Variants in SRGAP3 observed in about 807,000 individuals in gnomAD.
The protein encoded by SRGAP3 is SLIT-ROBO Rho GTPase-activating protein 3.
Under a neutral mutation model 121.1 loss-of-function variants are expected in SRGAP3, and 39 were observed. The observed-to-expected ratio is 0.32, with a 90% CI of 0.25 to 0.42. SRGAP3 has a LOEUF of 0.42. Ranked by LOEUF, SRGAP3 falls within the 10% of genes least tolerant of loss-of-function variation. The pLI is 1.00. For synonymous variants in SRGAP3, 601 were observed against 570.0 expected (o/e 1.05, Z -0.77); for missense variants, 1,213 against 1,470.6 (o/e 0.82, Z 2.86).
chr3:9,083,000 T>C (rs1218440222), intron 3 of SRGAP3, among the ~76,000 whole-genome samples: 1 of 152,172 alleles, frequency 6.6e-6, no homozygotes, highest in Non-Finnish European at 1.5e-5. Context: ...TGGAGAACCT[T>C]CTGTGCAGAG....
rs1280770938 is a variant in SRGAP3, at chr3:8,984,487, T to TA, written c.*1031dup. The TA allele has an allele frequency of 8.6e-6, 2 of 232,338 alleles. No homozygotes were observed. The highest frequency in any genetic ancestry group is 1.7e-5 in the Non-Finnish European group (2 of 117,530). The allele number at this position is 232,338 out of a possible 1,614,324, so 14.4% of individuals were successfully genotyped here. Reference sequence around the variant, plus strand: ...ATGATATAAGTTAAACCTCTATAGTTACCACAGATTTATTCCTACAGCATT... The same window carrying TA: ...ATGATATAAGTTAAACCTCTATAGTTAACCACAGATTTATTCCTACAGCATT... On this transcript the variant is annotated 3_prime_UTR_variant, in exon 22 of 22. Coordinates refer to ENST00000383836, the MANE Select transcript of SRGAP3 (RefSeq NM_014850.4).
intron 3 of SRGAP3, among the ~76,000 whole-genome samples, chr3:9,317,112 C>T (rs1955360707): frequency 6.6e-6 from 1 of 152,176 alleles, no homozygotes; most frequent in Admixed American, 6.6e-5. Context: ...AGGGGCCAGC[C>T]AGCAGCCGCG....
intron 14 of SRGAP3, among the ~76,000 whole-genome samples, chr3:9,019,543 C>G (rs1943807601): frequency 6.6e-6 from 1 of 152,254 alleles, no homozygotes; most frequent in Non-Finnish European, 1.5e-5. Context: ...GACATCCACA[C>G]AATGGGCTGC....
intron 3 of SRGAP3, among the ~76,000 whole-genome samples, chr3:9,289,410 T>G (rs1171325947): frequency 6.6e-6 from 1 of 152,226 alleles, no homozygotes; most frequent in Non-Finnish European, 1.5e-5. Flanking sequence ...TAAAACTTCA[T>G]CAAAATGAAT....
chr3:9,358,763 G>C (rs995608456), intron 1 of SRGAP3, among the ~76,000 whole-genome samples: 5 of 152,274 alleles, frequency 3.3e-5, no homozygotes, highest in Non-Finnish European at 5.9e-5. Flanking sequence ...GCGGCTCACA[G>C]AACCCAGTGT....
intron 9 of SRGAP3, chr3:9,049,426 CAG>C (rs1945450518): frequency 2.2e-6 from 1 of 455,952 alleles, no homozygotes. Context: ...TAAGCCTCAT[CAG>C]AGTCTTGGAT....
At chr3:9,140,966 T>C (rs1949825024) in intron 1 of SRGAP3, among the ~76,000 whole-genome samples, 1 of 152,152 alleles carries the variant, frequency 6.6e-6, no homozygotes, top group African/African-American at 2.4e-5. Flanking sequence ...CATAGGAAGG[T>C]TGCAAAAATG....
At chr3:9,158,693 G>A (rs1207125052) in intron 1 of SRGAP3, among the ~76,000 whole-genome samples, 1 of 152,106 alleles carries the variant, frequency 6.6e-6, no homozygotes, top group East Asian at 1.9e-4. Context: ...GCACAGTAGG[G>A]AAAGCACAGA....
chr3:9,238,958 T>G (rs1346286369), intron 1 of SRGAP3, among the ~76,000 whole-genome samples: 1 of 152,172 alleles, frequency 6.6e-6, no homozygotes, highest in Non-Finnish European at 1.5e-5. Context: ...CAAAGTAGAT[T>G]GATGATAAAC....
intron 4 of SRGAP3, among the ~76,000 whole-genome samples, chr3:9,078,162 A>G (rs777460301): frequency 2.0e-5 from 3 of 152,150 alleles, no homozygotes; most frequent in Non-Finnish European, 4.4e-5. Flanking sequence ...TTGCAGGGAA[A>G]AAGCAGCAGA....
chr3:9,112,407 T>C (rs1271354581), intron 2 of SRGAP3, among the ~76,000 whole-genome samples: 9 of 152,238 alleles, frequency 5.9e-5, no homozygotes, highest in African/African-American at 2.4e-5. Context: ...GCATGAATCA[T>C]TAATTCAGCC....
chr3:9,353,412 T>C (rs947954264), intron 1 of SRGAP3, among the ~76,000 whole-genome samples: 6 of 152,242 alleles, frequency 3.9e-5, no homozygotes, highest in African/African-American at 7.2e-5. Flanking sequence ...ATCTCAGTTA[T>C]AAGGATACAG....
chr3:9,354,681 C>CAAAAAAA (rs34026081), intron 1 of SRGAP3, among the ~76,000 whole-genome samples: 2 of 70,810 alleles, frequency 2.8e-5, no homozygotes, highest in African/African-American at 9.5e-5. Context: ...GACTCCATCT[C>CAAAAAAA]AAAAAAAAAA....
At chr3:9,268,269 C>T (rs999186936) in intron 3 of SRGAP3, among the ~76,000 whole-genome samples, 26 of 151,250 alleles carry the variant, frequency 1.7e-4, no homozygotes, top group Non-Finnish European at 2.9e-5. Flanking sequence ...GGATTAGTGC[C>T]CTTATAAGAA....
At chr3:9,340,198 G>A (rs1955760889) in intron 1 of SRGAP3, among the ~76,000 whole-genome samples, 1 of 152,102 alleles carries the variant, frequency 6.6e-6, no homozygotes, top group African/African-American at 2.4e-5. Context: ...TGCTTCTACT[G>A]CTTCCTTTGT....
At chr3:9,280,270 C>T (rs151209972) in intron 3 of SRGAP3, among the ~76,000 whole-genome samples, 3 of 152,188 alleles carry the variant, frequency 2.0e-5, no homozygotes, top group South Asian at 2.1e-4. Flanking sequence ...ACAGACAGCA[C>T]GAATAAACAT....
chr3:9,322,720 A>T (rs1029139320), intron 3 of SRGAP3, among the ~76,000 whole-genome samples: 3 of 151,772 alleles, frequency 2.0e-5, no homozygotes, highest in African/African-American at 7.2e-5. Flanking sequence ...CCGTCCATGG[A>T]AATTGTCTTC....
chr3:9,089,959 T>A (rs1389761067), intron 3 of SRGAP3, among the ~76,000 whole-genome samples: 1 of 152,076 alleles, frequency 6.6e-6, no homozygotes, highest in Non-Finnish European at 1.5e-5. Flanking sequence ...CTGCCTGCAG[T>A]ACCAGGCCCA....
chr3:9,066,317 G>A (rs943170220), intron 4 of SRGAP3, among the ~76,000 whole-genome samples: 1 of 152,140 alleles, frequency 6.6e-6, no homozygotes, highest in Non-Finnish European at 1.5e-5. Context: ...ATTCTCTTCT[G>A]TGGCTTGGAT....
Sources: gnomAD v4.1 joint callset for allele counts (sites outside exome capture counted in the v4.1 genomes callset) on GRCh38, gnomAD v4.1.1 for gene constraint, MANE v1.5 for transcripts, NCBI Gene and HGNC (gene_info 2026-07-23, HGNC 2026-07-21) for gene names.